The following SAMD8 variants were observed in gnomAD, a reference collection of about 807,000 sequenced individuals.
SAMD8 encodes sterile alpha motif domain containing 8.
Under a neutral mutation model 42.0 loss-of-function variants are expected in SAMD8, and 20 were observed. That is an observed-to-expected ratio of 0.48 (90% confidence interval 0.34 to 0.69). The LOEUF (loss-of-function observed/expected upper bound fraction) is 0.69, where lower values mean the gene tolerates loss of function less well. Ranked by LOEUF, SAMD8 falls within the 30% of genes least tolerant of loss-of-function variation. The pLI is 0.01. For synonymous variants in SAMD8, 162 were observed against 173.0 expected, an observed-to-expected ratio of 0.94 and a Z score of 0.50; for missense variants, 328 against 511.6, an observed-to-expected ratio of 0.64 and a Z score of 3.46.
chr10:75,105,617 C>A (rs2134384123), intron 1 of SAMD8: 2 of 1,527,240 alleles, frequency 1.3e-6, no homozygotes, highest in Non-Finnish European at 1.8e-6. Flanking sequence ...CTCACCTGGC[C>A]TCTTCCGGCC....
chr10:75,121,907 G>A (rs780254409), intron 1 of SAMD8, among the ~76,000 whole-genome samples: 79 of 152,162 alleles, frequency 5.2e-4, no homozygotes, highest in Middle Eastern at 3.4e-3. Context: ...GGCCAGGCTG[G>A]TCTTGAACTC....
intron 2 of SAMD8, 90 bp from the exon 3 acceptor site, chr10:75,164,555 A>C (rs761334394): frequency 1.1e-4 from 164 of 1,524,908 alleles, no homozygotes; most frequent in Non-Finnish European, 1.2e-4. Context: ...ACCAATTTTA[A>C]GGTCATTATT....
chr10:75,154,387 G>A (rs1840363651), intron 2 of SAMD8, among the ~76,000 whole-genome samples: 1 of 152,196 alleles, frequency 6.6e-6, no homozygotes, highest in Non-Finnish European at 1.5e-5. Context: ...AAGTAAGGAA[G>A]AAATCATGTG....
chr10:75,122,162 A>G (rs931361186), intron 1 of SAMD8, among the ~76,000 whole-genome samples: 1 of 152,158 alleles, frequency 6.6e-6, no homozygotes, highest in Non-Finnish European at 1.5e-5. Flanking sequence ...GGAATATAGA[A>G]ATTTTAGAAA....
At chr10:75,158,146 C>T (rs1306952811) in intron 2 of SAMD8, among the ~76,000 whole-genome samples, 1 of 135,058 alleles carries the variant, frequency 7.4e-6, no homozygotes, top group East Asian at 2.2e-4. Flanking sequence ...GCAACAAGAG[C>T]AAAACTCTGT....
chr10:75,100,874 G>A (rs575263467), intron 1 of SAMD8, among the ~76,000 whole-genome samples: 3 of 152,238 alleles, frequency 2.0e-5, no homozygotes, highest in African/African-American at 7.2e-5. Context: ...CTCCCATGAC[G>A]CTGCTCTGTG....
chr10:75,116,981 TTG>T (rs1353629582), intron 1 of SAMD8, among the ~76,000 whole-genome samples: 1 of 151,996 alleles, frequency 6.6e-6, no homozygotes, highest in Non-Finnish European at 1.5e-5. Context: ...GGCTAATTTT[TTG>T]TGTTTTTAGT....
chr10:75,140,423 A>G (rs1473393914), intron 1 of SAMD8, among the ~76,000 whole-genome samples: 1 of 152,194 alleles, frequency 6.6e-6, no homozygotes, highest in Non-Finnish European at 1.5e-5. Flanking sequence ...GAATTCTAAA[A>G]TGACTCCTAA....
At chr10:75,145,028 G>T (rs1255439301) in intron 1 of SAMD8, among the ~76,000 whole-genome samples, 1 of 152,150 alleles carries the variant, frequency 6.6e-6, no homozygotes, top group African/African-American at 2.4e-5. Context: ...CCCATCCAGG[G>T]TATTTTTCAT....
chr10:75,150,954 T>A lies in SAMD8; in HGVS notation c.426T>A (p.Val142=). ...QYMNGKNKHS[V]RRLDPEYWKT... ...TGAATGGTAAAAACAAACATTCTGTTCGAAGATTGGACCCAGAATACTGGA... is the reference window on the plus strand; with the variant it reads ...TGAATGGTAAAAACAAACATTCTGTACGAAGATTGGACCCAGAATACTGGA... The change falls in exon 2 of 6, where the codon GTT becomes GTA. Residue 142 remains valine, a synonymous_variant. Transcript: ENST00000542569. The A allele has an allele frequency of 6.2e-7, 1 of 1,613,328 alleles. No homozygotes were observed. The highest frequency in any genetic ancestry group is 2.2e-5 in the East Asian group (1 of 44,880).
intron 1 of SAMD8, among the ~76,000 whole-genome samples, chr10:75,119,954 G>C (rs907376576): frequency 2.0e-5 from 3 of 152,146 alleles, no homozygotes; most frequent in African/African-American, 7.2e-5. Context: ...TGTAATCCCA[G>C]CTACTCGGGA....
chr10:75,146,272 CTTTTTTTTTTTTTTT>C (rs202162176), intron 1 of SAMD8, among the ~76,000 whole-genome samples: 2 of 68,124 alleles, frequency 2.9e-5, no homozygotes, highest in Admixed American at 2.3e-4. Flanking sequence ...TGTCTTGACA[CTTTTTTTTTTTTTTT>C]TTTTTTTTTT....
intron 1 of SAMD8, among the ~76,000 whole-genome samples, chr10:75,130,966 A>G (rs1218177708): frequency 2.6e-5 from 4 of 152,136 alleles, no homozygotes; most frequent in South Asian, 2.1e-4. Flanking sequence ...TTATTGTTTT[A>G]TATTTATTTT....
chr10:75,175,818 G>T, intron 4 of SAMD8: 2 of 928,482 alleles, frequency 2.2e-6, no homozygotes, highest in South Asian at 9.9e-5. Flanking sequence ...CAAAGTGCTG[G>T]GATTACAGGC....
At chr10:75,100,653 G>T (rs1848103766) in intron 1 of SAMD8, among the ~76,000 whole-genome samples, 1 of 152,158 alleles carries the variant, frequency 6.6e-6, no homozygotes, top group Non-Finnish European at 1.5e-5. Flanking sequence ...TTCTCTCCCT[G>T]ATCCCGTGCT....
At chr10:75,155,306 A>C (rs528942415) in intron 2 of SAMD8, among the ~76,000 whole-genome samples, 5 of 152,282 alleles carry the variant, frequency 3.3e-5, no homozygotes, top group African/African-American at 2.4e-5. Flanking sequence ...GGTTTTCGAC[A>C]TGTCAGGTTT....
intron 1 of SAMD8, among the ~76,000 whole-genome samples, chr10:75,112,016 C>T (rs561870986): frequency 3.3e-5 from 5 of 152,088 alleles, no homozygotes; most frequent in South Asian, 2.1e-4. Flanking sequence ...TTGAAAGCTG[C>T]GCAGTGGGGG....
At chr10:75,170,601 T>C (rs896368419) in intron 4 of SAMD8, among the ~76,000 whole-genome samples, 1 of 151,720 alleles carries the variant, frequency 6.6e-6, no homozygotes, top group Non-Finnish European at 1.5e-5. Context: ...ATTATAAAAT[T>C]ATATGTTTAT....
At chr10:75,134,628 T>A (rs577895469) in intron 1 of SAMD8, among the ~76,000 whole-genome samples, 12,557 of 148,154 alleles carry the variant, frequency 0.085, 705 homozygotes, top group African/African-American at 0.17. Flanking sequence ...GAGTGAGACT[T>A]TCCCCCCCCC....
Sources: gnomAD v4.1 joint callset for allele counts (sites outside exome capture counted in the v4.1 genomes callset) on GRCh38, gnomAD v4.1.1 for gene constraint, MANE v1.5 for transcripts, NCBI Gene and HGNC (gene_info 2026-07-23, HGNC 2026-07-21) for gene names.